The following SND1 variants were observed in gnomAD, a reference collection of about 807,000 sequenced individuals.
SND1 encodes the protein staphylococcal nuclease and tudor domain containing 1.
A neutral mutation model predicts 121.7 loss-of-function variants in SND1; 38 were observed. The observed-to-expected ratio is 0.31, with a 90% CI of 0.24 to 0.41. SND1 has a LOEUF of 0.41. Ranked by LOEUF, SND1 falls within the 10% of genes least tolerant of loss-of-function variation. The pLI is 1.00. For synonymous variants in SND1, 401 were observed against 447.4 expected (o/e 0.90, Z 1.31); for missense variants, 868 against 1,184.6 (o/e 0.73, Z 3.92).
intron 15 of SND1, among the ~76,000 whole-genome samples, chr7:127,966,041 C>T (rs1257504353): frequency 9.1e-4 from 117 of 128,598 alleles, no homozygotes; most frequent in African/African-American, 3.2e-3. Flanking sequence ...AGTTTATTTG[C>T]GTAGAGGTGT....
intron 16 of SND1, among the ~76,000 whole-genome samples, chr7:128,045,996 C>T (rs147078533): frequency 1.3e-5 from 2 of 152,196 alleles, no homozygotes; most frequent in Non-Finnish European, 2.9e-5. Context: ...ATGACACATC[C>T]ACTCCTAAAC....
chr7:127,969,729 A>G (rs1801939887), intron 15 of SND1, among the ~76,000 whole-genome samples: 2 of 151,236 alleles, frequency 1.3e-5, no homozygotes, highest in African/African-American at 4.8e-5. Context: ...CTCCGTCTCA[A>G]AAACAAAACA....
intron 14 of SND1, among the ~76,000 whole-genome samples, chr7:127,926,720 T>TTTGTTG (rs57562959): frequency 0.079 from 11,287 of 142,312 alleles, 497 homozygotes; most frequent in African/African-American, 0.1. Context: ...ACCCGGCTAT[T>TTTGTTG]TTGTTGTTGT....
chr7:128,001,963 A>G (rs1387566579), intron 16 of SND1, among the ~76,000 whole-genome samples: 5 of 152,218 alleles, frequency 3.3e-5, no homozygotes, highest in African/African-American at 9.6e-5. Context: ...AAATTCTCTC[A>G]GGGCTTAACT....
chr7:127,700,566 T>A (rs1212933519), intron 4 of SND1, among the ~76,000 whole-genome samples: 1 of 152,190 alleles, frequency 6.6e-6, no homozygotes, highest in Non-Finnish European at 1.5e-5. Flanking sequence ...TTGATTTGAT[T>A]TGTCTACTGA....
intron 12 of SND1, among the ~76,000 whole-genome samples, chr7:127,848,638 T>G (rs1238736088): frequency 1.3e-5 from 2 of 152,224 alleles, no homozygotes; most frequent in Non-Finnish European, 2.9e-5. Context: ...TCACAGCACC[T>G]AGTGGCTTTC....
intron 10 of SND1, among the ~76,000 whole-genome samples, chr7:127,742,166 G>A (rs1587633441): frequency 6.6e-6 from 1 of 152,192 alleles, no homozygotes; most frequent in African/African-American, 2.4e-5. Context: ...TAGCATTAGT[G>A]TGAAAGTCTG....
chr7:127,801,104 A>C (rs778457124), intron 10 of SND1, among the ~76,000 whole-genome samples: 57 of 152,206 alleles, frequency 3.7e-4, no homozygotes, highest in Admixed American at 2.6e-3. Flanking sequence ...TTTCTGGGGC[A>C]TATACCTACC....
chr7:127,949,794 G>A (rs1801419667), intron 15 of SND1, among the ~76,000 whole-genome samples: 1 of 152,180 alleles, frequency 6.6e-6, no homozygotes, highest in African/African-American at 2.4e-5. Context: ...AGGAAAAGGT[G>A]CTTCCCTCAG....
At chr7:127,923,654 G>C (rs1186861537) in intron 14 of SND1, among the ~76,000 whole-genome samples, 11 of 152,218 alleles carry the variant, frequency 7.2e-5, no homozygotes, top group Admixed American at 7.2e-4. Context: ...GATGTGGAAA[G>C]GAGGAAGAGT....
chr7:128,067,096 A>G lies in SND1; in HGVS notation c.1780-7406A>G, dbSNP rs144351752. ...TCATCTCTCCTGTTGGCTTGCAGGCACAGTCTGTCAGCTTTGCTGCCCCCA... is the reference window on the plus strand; with the variant it reads ...TCATCTCTCCTGTTGGCTTGCAGGCGCAGTCTGTCAGCTTTGCTGCCCCCA... On this transcript the variant is annotated intron_variant, in intron 16 of 23. Transcript: ENST00000354725. 5.1e-3 allele frequency among the ~76,000 whole-genome samples: 769 copies of G among 152,236 alleles called. 7 individuals are homozygous for G. The highest frequency in any genetic ancestry group is 0.018 in the African/African-American group (731 of 41,510).
chr7:127,704,878 G>A lies in SND1; in HGVS notation c.880G>A (p.Ala294Thr), dbSNP rs764503974. Reference sequence around the variant, plus strand: ...AGAGCTCCTCCTGAAGGAAGGTTTCGCACGCTGTGTGGACTGGTCGATTGC... The same window carrying A: ...AGAGCTCCTCCTGAAGGAAGGTTTCACACGCTGTGTGGACTGGTCGATTGC... ...ITELLLKEGF[A>T]RCVDWSIAVY... The change falls in exon 8 of 24, where the codon GCA (alanine) becomes ACA (threonine). Residue 294 changes from alanine to threonine, a missense_variant. Ala to Thr is a moderately conservative substitution (Grantham distance 58). This residue lies in a region of SND1 where 743 missense variants were observed against 1,071.3 expected (regional missense o/e 0.69). Transcript: ENST00000354725. The A allele has an allele frequency of 1.2e-6, 2 of 1,613,954 alleles. No homozygotes were observed. The highest frequency in any genetic ancestry group is 8.5e-7 in the Non-Finnish European group (1 of 1,179,958).
At chr7:127,806,300 T>C (rs1335133198) in intron 10 of SND1, among the ~76,000 whole-genome samples, 1 of 152,198 alleles carries the variant, frequency 6.6e-6, no homozygotes, top group African/African-American at 2.4e-5. Context: ...CTTCAAGTGG[T>C]TCTCATCATC....
At chr7:127,672,745 G>T (rs1365051868) in intron 1 of SND1, among the ~76,000 whole-genome samples, 1 of 152,134 alleles carries the variant, frequency 6.6e-6, no homozygotes, top group African/African-American at 2.4e-5. Context: ...CCTTCATTCA[G>T]AAATAATTCC....
intron 11 of SND1, among the ~76,000 whole-genome samples, chr7:127,840,404 T>C (rs1798942583): frequency 6.6e-6 from 1 of 152,200 alleles, no homozygotes. Flanking sequence ...CACTCATTGC[T>C]ATAAACAGGG....
chr7:127,815,814 A>G (rs1388787898), intron 11 of SND1, among the ~76,000 whole-genome samples: 1 of 152,156 alleles, frequency 6.6e-6, no homozygotes, highest in Non-Finnish European at 1.5e-5. Context: ...GTATCTGGCC[A>G]CTTGACTCTT....
intron 14 of SND1, among the ~76,000 whole-genome samples, chr7:127,925,141 A>G (rs1443303599): frequency 2.0e-5 from 3 of 152,248 alleles, no homozygotes; most frequent in Admixed American, 2.0e-4. Context: ...GCCATCCACA[A>G]TAGCAGGTTA....
intron 13 of SND1, among the ~76,000 whole-genome samples, chr7:127,891,109 C>A (rs1800002308): frequency 6.6e-6 from 1 of 152,034 alleles, no homozygotes; most frequent in Non-Finnish European, 1.5e-5. Context: ...CGATGCTAAC[C>A]CCCAGGAAAG....
chr7:128,068,879 C>A (rs1793361479), intron 16 of SND1, among the ~76,000 whole-genome samples: 1 of 152,232 alleles, frequency 6.6e-6, no homozygotes, highest in Non-Finnish European at 1.5e-5. Context: ...TAAGCCAGAA[C>A]AATTTCATTA....
Sources: gnomAD v4.1 joint callset for allele counts (sites outside exome capture counted in the v4.1 genomes callset) on GRCh38, gnomAD v4.1.1 for gene constraint, gnomAD v4.1.1 regional missense constraint, MANE v1.5 for transcripts, NCBI Gene and HGNC (gene_info 2026-07-23, HGNC 2026-07-21) for gene names.